LSAMP: variants seen among roughly 807,000 people sequenced by gnomAD.
The protein encoded by LSAMP is limbic system associated membrane protein, also known as limbic system-associated membrane protein.
In LSAMP, 7 loss-of-function variants were observed where a neutral mutation model predicts 38.6. The ratio of observed to expected loss-of-function variants is 0.18; its 90% CI spans 0.10 to 0.34. The LOEUF (loss-of-function observed/expected upper bound fraction) is 0.34. Ranked by LOEUF, LSAMP falls within the 10% of genes least tolerant of loss-of-function variation. LSAMP has a pLI of 1.00. For missense variants in LSAMP, 313 were observed against 420.0 expected, an observed-to-expected ratio of 0.75 and a Z score of 2.23; for synonymous variants, 154 against 166.8, an observed-to-expected ratio of 0.92 and a Z score of 0.59.
intron 2 of LSAMP, among the ~76,000 whole-genome samples, chr3:116,075,884 A>AT (rs1252956797): frequency 6.6e-6 from 1 of 152,020 alleles, no homozygotes; most frequent in African/African-American, 2.4e-5. Context: ...GTTTAGCCAA[A>AT]TTTGTTTTCT....
In LSAMP at chr3:115,940,997, C is replaced by A. The variant is rs144841824; in HGVS notation, c.514+78518G>T. On this transcript the variant is annotated intron_variant, in intron 3 of 6. Transcript: ENST00000490035. The stretch of plus-strand genomic sequence containing the variant: ...ATAATCAACAAGATAAATAGGCAAC[C>A]TACAGAATGAGAGAAAATATTTGTA... 1.7e-4 allele frequency among the ~76,000 whole-genome samples: 26 copies of A among 152,076 alleles called. No homozygotes were observed. The South Asian group carries it at 5.4e-3, about 32-fold the overall frequency.
intron 1 of LSAMP, among the ~76,000 whole-genome samples, chr3:116,359,049 AAG>A (rs1268491381): frequency 1.3e-5 from 2 of 152,208 alleles, no homozygotes; most frequent in African/African-American, 2.4e-5. Context: ...GTTTCTACGA[AAG>A]AAAAGTTTTC....
At chr3:116,123,535 G>A (rs1290744706) in intron 1 of LSAMP, among the ~76,000 whole-genome samples, 1 of 151,880 alleles carries the variant, frequency 6.6e-6, no homozygotes, top group African/African-American at 2.4e-5. Context: ...ATTGACTATG[G>A]AACTTGAAGA....
rs71141858 is a variant in LSAMP at position 116,198,772 on chromosome 3, G to GAAAAA, written c.156-112221_156-112217dup. Among the ~76,000 whole-genome samples the GAAAAA allele has an allele frequency of 9.7e-5, 10 of 103,220 alleles. No individual in the cohort carries two copies. The East Asian group carries it at 1.8e-3, about 18-fold the overall frequency. The allele number at this position is 103,220 out of a possible 152,430, so 67.7% of individuals were successfully genotyped here. ...GGCGACAGAGCAAGACTCCGTCTCA[G>GAAAAA]AAAAAAAAAGAAAATCAGAACTGGA... On this transcript the variant is annotated intron_variant, in intron 1 of 6. Transcript: ENST00000490035.
At position 115,802,601 on chromosome 3, in the gene LSAMP, A is replaced by G. The variant is rs1019862410; in HGVS notation, c.*7716T>C. The G allele has an allele frequency of 1.3e-5, 2 of 151,858 alleles. No individual in the cohort carries two copies. The highest frequency in any genetic ancestry group is 2.9e-5 in the Non-Finnish European group (2 of 68,010). The allele number at this position is 151,858 out of a possible 1,614,324, so 9.4% of individuals were successfully genotyped here. ...GTACCCAGGGAAAAAAATCCACCTA[A>G]TAAACAAAAATGAAAAACCTTGAAA... On this transcript the variant is annotated 3_prime_UTR_variant, in exon 7 of 7. Transcript: ENST00000490035.
Position 116,316,385 on chromosome 3 carries a change from C to G in LSAMP, c.155+128492G>C, listed in dbSNP as rs1245046482. ...GTACCCTCCATGTCTAGCAAAATAT[C>G]TGACAAATGGTAGGTGATTATAAGT... On this transcript the variant is annotated intron_variant, in intron 1 of 6. Transcript: ENST00000490035. 2.0e-5 allele frequency among the ~76,000 whole-genome samples: 3 copies of G among 152,082 alleles called. No homozygotes were observed. The East Asian group carries it at 5.8e-4, about 29-fold the overall frequency.
intron 1 of LSAMP, among the ~76,000 whole-genome samples, chr3:116,407,645 T>C (rs188689622): frequency 6.6e-6 from 1 of 152,246 alleles, no homozygotes; most frequent in East Asian, 1.9e-4. Context: ...TTGGTTATTG[T>C]TCATGTAGCA....
At chr3:116,304,930 A>G (rs955572350) in intron 1 of LSAMP, among the ~76,000 whole-genome samples, 5 of 152,140 alleles carry the variant, frequency 3.3e-5, no homozygotes, top group Non-Finnish European at 7.4e-5. Context: ...TCATGGAAGA[A>G]AAGGACGAAA....
intron 1 of LSAMP, among the ~76,000 whole-genome samples, chr3:116,098,939 A>C (rs931397751): frequency 1.3e-5 from 2 of 152,226 alleles, no homozygotes; most frequent in African/African-American, 4.8e-5. Flanking sequence ...AACTCAGCCT[A>C]CTCAAACTGT....
At chr3:115,996,065 A>G (rs1298078144) in intron 3 of LSAMP, among the ~76,000 whole-genome samples, 1 of 152,054 alleles carries the variant, frequency 6.6e-6, no homozygotes, top group Non-Finnish European at 1.5e-5. Flanking sequence ...TTTAATTTAG[A>G]ACCTATTTTA....
chr3:115,810,246 T>TCTC lies in LSAMP; in HGVS notation c.*68_*70dup, dbSNP rs1491395400. ...ATCTCTCTCTCTCTCTCTCTCTCTG[T>TCTC]CTCTCTCTCTCTGTATTCTGTGTGA... On this transcript the variant is annotated 3_prime_UTR_variant, in exon 7 of 7. Transcript: ENST00000490035. 2.2e-6 allele frequency: 2 copies of TCTC among 895,450 alleles called. No individual in the cohort carries two copies. The highest frequency in any genetic ancestry group is 3.3e-6 in the Non-Finnish European group (2 of 614,084). The allele number at this position is 895,450 out of a possible 1,614,324, so 55.5% of individuals were successfully genotyped here. A position where few individuals can be genotyped will look rare whatever the true frequency, so the allele number is the denominator to read the frequency against.
At chr3:116,064,729 A>C (rs779070399) in intron 2 of LSAMP, among the ~76,000 whole-genome samples, 41 of 152,326 alleles carry the variant, frequency 2.7e-4, no homozygotes, top group South Asian at 1.0e-3. Flanking sequence ...TTACATACAC[A>C]CACAGAGACA....
chr3:115,886,714 G>A (rs1378510522), intron 3 of LSAMP, among the ~76,000 whole-genome samples: 1 of 151,912 alleles, frequency 6.6e-6, no homozygotes, highest in Non-Finnish European at 1.5e-5. Flanking sequence ...CAGCTCAATA[G>A]GCTAAAGCTG....
intron 2 of LSAMP, among the ~76,000 whole-genome samples, chr3:116,044,063 C>T (rs1309900132): frequency 6.6e-6 from 1 of 152,226 alleles, no homozygotes; most frequent in Non-Finnish European, 1.5e-5. Context: ...GCAGAGACAA[C>T]ATTATCCCCT....
At chr3:116,030,189 C>T (rs981044768) in intron 2 of LSAMP, among the ~76,000 whole-genome samples, 1 of 152,066 alleles carries the variant, frequency 6.6e-6, no homozygotes, top group African/African-American at 2.4e-5. Flanking sequence ...TAAATGTTCA[C>T]GATCACCTCA....
chr3:116,289,004 A>G (rs1438544135), intron 1 of LSAMP, among the ~76,000 whole-genome samples: 1 of 152,192 alleles, frequency 6.6e-6, no homozygotes, highest in Non-Finnish European at 1.5e-5. Flanking sequence ...ATTGGCTTGT[A>G]AGGATTTATG....
At chr3:116,369,182 G>T (rs1277989538) in intron 1 of LSAMP, among the ~76,000 whole-genome samples, 2 of 152,024 alleles carry the variant, frequency 1.3e-5, no homozygotes, top group Non-Finnish European at 2.9e-5. Context: ...GCTTCAGCTA[G>T]GGGTTGTAAG....
intron 3 of LSAMP, among the ~76,000 whole-genome samples, chr3:115,982,188 T>C (rs1255743321): frequency 6.6e-6 from 1 of 152,188 alleles, no homozygotes; most frequent in African/African-American, 2.4e-5. Context: ...TAAGCGGTTA[T>C]TGATGAATGA....
intron 1 of LSAMP, among the ~76,000 whole-genome samples, chr3:116,380,437 A>C (rs2048544205): frequency 1.3e-5 from 2 of 151,808 alleles, no homozygotes; most frequent in Non-Finnish European, 1.5e-5. Context: ...GCCTTTCTTT[A>C]TCTTTATTTT....
Sources: gnomAD v4.1 joint callset for allele counts (sites outside exome capture counted in the v4.1 genomes callset) on GRCh38, gnomAD v4.1.1 for gene constraint, MANE v1.5 for transcripts, NCBI Gene and HGNC (gene_info 2026-07-23, HGNC 2026-07-21) for gene names.